HGF: variants seen among roughly 807,000 people sequenced by gnomAD.
The protein encoded by HGF is hepatocyte growth factor.
A neutral mutation model predicts 111.6 loss-of-function variants in HGF; 39 were observed. The ratio of observed to expected loss-of-function variants is 0.35; its 90% CI spans 0.27 to 0.46. The LOEUF (loss-of-function observed/expected upper bound fraction) is 0.46, where lower values mean the gene tolerates loss of function less well. Ranked by LOEUF, HGF falls within the 20% of genes least tolerant of loss-of-function variation. The probability of loss-of-function intolerance (pLI) is 1.00; values close to 1 mark genes in which losing one functional copy is unlikely to be tolerated. For synonymous variants in HGF, 285 were observed against 294.8 expected, an observed-to-expected ratio of 0.97 and a Z score of 0.34; for missense variants, 735 against 910.5, an observed-to-expected ratio of 0.81 and a Z score of 2.48.
At chr7:81,747,299 A>G (rs1047469480) in intron 5 of HGF, among the ~76,000 whole-genome samples, 1 of 152,182 alleles carries the variant, frequency 6.6e-6, no homozygotes, top group African/African-American at 2.4e-5. Context: ...AGATGGCACC[A>G]CTGCACTCCA....
At chr7:81,758,551 C>A in intron 3 of HGF, 141 bp downstream of exon 3, 1 of 641,514 alleles carries the variant, frequency 1.6e-6, no homozygotes. Flanking sequence ...TTTCAACTGT[C>A]TTAATGGATG....
intron 2 of HGF, among the ~76,000 whole-genome samples, chr7:81,762,050 G>C (rs1014163148): frequency 2.6e-5 from 4 of 152,140 alleles, no homozygotes; most frequent in Non-Finnish European, 4.4e-5. Context: ...CAGACTAGTG[G>C]CAGGGGTAGG....
intron 1 of HGF, 86 bp downstream of exon 1, chr7:81,769,797 TA>T (rs1789539168): frequency 1.0e-6 from 1 of 980,106 alleles, no homozygotes; most frequent in Non-Finnish European, 1.6e-6. Context: ...GGGAATAGGG[TA>T]AAAAGAGGGT....
intron 5 of HGF, among the ~76,000 whole-genome samples, chr7:81,745,857 C>G (rs1292844500): frequency 6.6e-6 from 1 of 152,132 alleles, no homozygotes; most frequent in African/African-American, 2.4e-5. Context: ...ATTCATTGTT[C>G]TCTTCTGGCT....
At chr7:81,716,063 T>C (rs1338030944) in intron 11 of HGF, among the ~76,000 whole-genome samples, 4 of 152,134 alleles carry the variant, frequency 2.6e-5, no homozygotes, top group African/African-American at 9.7e-5. Flanking sequence ...CTCAATAACA[T>C]ATTTAAGACG....
chr7:81,719,950 AG>A (rs1410379157), intron 10 of HGF, among the ~76,000 whole-genome samples: 2 of 152,198 alleles, frequency 1.3e-5, no homozygotes, highest in Admixed American at 6.5e-5. Context: ...GCCATGTTAT[AG>A]GCACTTGATC....
chr7:81,769,857 AT>A (rs1789542716), intron 1 of HGF, 26 bp downstream of exon 1: 2 of 1,495,792 alleles, frequency 1.3e-6, no homozygotes, highest in South Asian at 2.4e-5. Context: ...ACTAATACTA[AT>A]AATGAAGAAG....
At chr7:81,758,653 T>C in intron 3 of HGF, 39 bp downstream of exon 3, 1 of 1,183,602 alleles carries the variant, frequency 8.4e-7, no homozygotes, top group Non-Finnish European at 1.3e-6. Flanking sequence ...TTCATTATAC[T>C]TTATTTCATT....
chr7:81,708,050 C>T (rs1447611049), intron 13 of HGF, among the ~76,000 whole-genome samples: 1 of 151,916 alleles, frequency 6.6e-6, no homozygotes, highest in African/African-American at 2.4e-5. Flanking sequence ...TCTGTAAATC[C>T]ATTTTTTTTG....
intron 7 of HGF, among the ~76,000 whole-genome samples, chr7:81,734,157 C>T (rs1391658817): frequency 6.6e-6 from 1 of 152,106 alleles, no homozygotes; most frequent in Non-Finnish European, 1.5e-5. Flanking sequence ...AGCATCCCCC[C>T]ATACACAAAT....
At chr7:81,746,665 C>G (rs563761714) in intron 5 of HGF, among the ~76,000 whole-genome samples, 4 of 152,128 alleles carry the variant, frequency 2.6e-5, no homozygotes, top group African/African-American at 4.8e-5. Context: ...ATCTATTATG[C>G]CTCCTTCAGC....
chr7:81,757,405 C>T (rs1185815550), intron 3 of HGF, 102 bp from the exon 4 acceptor site: 9 of 694,756 alleles, frequency 1.3e-5, no homozygotes, highest in Non-Finnish European at 2.4e-5. Context: ...CTCTTGTAAA[C>T]TATTTCAAAT....
At chr7:81,739,271 A>C (rs181931543) in intron 7 of HGF, among the ~76,000 whole-genome samples, 293 of 152,142 alleles carry the variant, frequency 1.9e-3, no homozygotes, top group African/African-American at 6.9e-3. Flanking sequence ...TACTGCCTTA[A>C]TCACACTCTT....
intron 5 of HGF, chr7:81,751,733 C>A (rs1788515686): frequency 1.9e-6 from 2 of 1,039,084 alleles, no homozygotes; most frequent in Non-Finnish European, 2.3e-6. Flanking sequence ...TCTGTGGAAG[C>A]AGGTGCTGGT....
At chr7:81,719,287 T>G (rs1027800261) in intron 10 of HGF, among the ~76,000 whole-genome samples, 2 of 152,200 alleles carry the variant, frequency 1.3e-5, no homozygotes, top group East Asian at 3.9e-4. Flanking sequence ...GGCACTTCTT[T>G]GCATTCCCAT....
intron 7 of HGF, among the ~76,000 whole-genome samples, chr7:81,741,788 A>G (rs942432290): frequency 1.9e-4 from 29 of 151,946 alleles, no homozygotes; most frequent in Admixed American, 9.2e-4. Context: ...AAAATACAAA[A>G]TTAGCTGAGT....
At chr7:81,758,615 A>C in intron 3 of HGF, 77 bp downstream of exon 3, 2 of 910,504 alleles carry the variant, frequency 2.2e-6, no homozygotes, top group Non-Finnish European at 3.7e-6. Flanking sequence ...GAGAAAGACC[A>C]CTCTGGCAGG....
chr7:81,747,572 T>C (rs1417594646), intron 5 of HGF, among the ~76,000 whole-genome samples: 1 of 152,234 alleles, frequency 6.6e-6, no homozygotes, highest in Non-Finnish European at 1.5e-5. Flanking sequence ...TGTTACATTT[T>C]AGAAAGCAAT....
rs1055201952 is a variant in HGF, at chr7:81,707,170, A to G, written c.1616+120T>C. The G allele has an allele frequency of 2.4e-5, 16 of 675,942 alleles. No homozygotes were observed. In the African/African-American group the frequency reaches 2.5e-4, roughly 11 times the overall value. The allele number at this position is 675,942 out of a possible 1,614,324, so 41.9% of individuals were successfully genotyped here. On this transcript the variant is annotated intron_variant, in intron 14 of 17. Coordinates refer to ENST00000222390, the MANE Select transcript of HGF (RefSeq NM_000601.6). ...TAAGCCAAATTCTAAAAATGAAATA[A>G]TTTGTTCACCCCATTTGTGAATCTC...
Sources: gnomAD v4.1 joint callset for allele counts (sites outside exome capture counted in the v4.1 genomes callset) on GRCh38, gnomAD v4.1.1 for gene constraint, MANE v1.5 for transcripts, NCBI Gene and HGNC (gene_info 2026-07-23, HGNC 2026-07-21) for gene names.